PCTP: variants seen among roughly 807,000 people sequenced by gnomAD.
PCTP encodes phosphatidylcholine transfer protein, also known as START domain-containing protein 2.
A neutral mutation model predicts 31.0 loss-of-function variants in PCTP; 27 were observed. That is an observed-to-expected ratio of 0.87 (90% CI 0.64 to 1.20). The LOEUF (loss-of-function observed/expected upper bound fraction) is 1.20. Among genes scored for constraint, PCTP ranks in the 50% most tolerant of loss-of-function variants. The pLI, the probability that PCTP is intolerant of heterozygous loss-of-function variation, is 0.00. For synonymous variants in PCTP, 108 were observed against 101.2 expected (o/e 1.07, Z -0.40); for missense variants, 287 against 268.2 (o/e 1.07, Z -0.49).
chr17:55,809,718 TCACC>T lies in PCTP; in HGVS notation c.318-13042_318-13039del, dbSNP rs547122603. 1.7e-3 allele frequency among the ~76,000 whole-genome samples: 262 copies of T among 152,236 alleles called. 1 individual carries two copies. The highest frequency in any genetic ancestry group is 6.2e-3 in the African/African-American group (257 of 41,558). On this transcript the variant is annotated intron_variant, in intron 3 of 3. Transcript: ENST00000572536. ...TTGTATTTTTAGTAGAGATGGGGTT[TCACC>T]ATGTTGGCCCAGATGGTCTTGATCT...
At chr17:55,814,596 T>A (rs1433484404) in intron 3 of PCTP, among the ~76,000 whole-genome samples, 3 of 152,224 alleles carry the variant, frequency 2.0e-5, no homozygotes, top group Admixed American at 6.5e-5. Context: ...GCTGGTAGCA[T>A]CATTGCGTTT....
At chr17:55,788,998 C>T (rs1224133175) in intron 3 of PCTP, among the ~76,000 whole-genome samples, 1 of 152,122 alleles carries the variant, frequency 6.6e-6, no homozygotes, top group African/African-American at 2.4e-5. Context: ...TTGAGCCTGG[C>T]ACCTACTGGC....
intron 3 of PCTP, among the ~76,000 whole-genome samples, chr17:55,802,122 T>C (rs150793432): frequency 0.027 from 4,085 of 152,204 alleles, 184 homozygotes; most frequent in African/African-American, 0.094. Context: ...CTAGAAGAAA[T>C]GGATGAATTC....
intron 1 of PCTP, among the ~76,000 whole-genome samples, chr17:55,753,811 G>C (rs1420263114): frequency 6.6e-6 from 1 of 152,128 alleles, no homozygotes; most frequent in African/African-American, 2.4e-5. Context: ...CAAAGCACAC[G>C]GCTAAGAAGT....
At chr17:55,827,757 C>T (rs919489263), downstream of PCTP, among the ~76,000 whole-genome samples, 1 of 152,196 alleles carries the variant, frequency 6.6e-6, no homozygotes, top group African/African-American at 2.4e-5. Flanking sequence ...GAAAAGATTA[C>T]AGGTGTTTTC....
At chr17:55,819,622 G>C (rs1011908716) in intron 3 of PCTP, among the ~76,000 whole-genome samples, 1 of 152,106 alleles carries the variant, frequency 6.6e-6, no homozygotes, top group African/African-American at 2.4e-5. Context: ...AACCATGGTA[G>C]TGTGCATCTG....
chr17:55,792,530 C>T (rs965095491), intron 3 of PCTP, among the ~76,000 whole-genome samples: 2 of 151,846 alleles, frequency 1.3e-5, no homozygotes, highest in East Asian at 1.9e-4. Flanking sequence ...AAGAACTGTG[C>T]GGCCAGAAAA....
intron 1 of PCTP, 104 bp from the exon 2 acceptor site, chr17:55,767,231 T>C: frequency 1.8e-6 from 1 of 564,912 alleles, no homozygotes; most frequent in Non-Finnish European, 3.0e-6. Context: ...ACTCTGATGG[T>C]AGTTTCTTTT....
intron 5 of PCTP, among the ~76,000 whole-genome samples, chr17:55,829,720 A>ACACACC (rs1555571498): frequency 4.9e-4 from 73 of 147,560 alleles, no homozygotes; most frequent in African/African-American, 1.8e-3. Context: ...ACACACACAC[A>ACACACC]CCCTCTACAA....
At chr17:55,755,005 A>G (rs998689426) in intron 1 of PCTP, among the ~76,000 whole-genome samples, 1 of 152,134 alleles carries the variant, frequency 6.6e-6, no homozygotes, top group African/African-American at 2.4e-5. Flanking sequence ...TACATTTTGT[A>G]TATATAGCTC....
At chr17:55,826,491 C>T (rs1443700445), downstream of PCTP, among the ~76,000 whole-genome samples, 1 of 151,166 alleles carries the variant, frequency 6.6e-6, no homozygotes, top group East Asian at 1.9e-4. Context: ...AGAAGGTGAT[C>T]TGATCTAAGC....
intron 3 of PCTP, among the ~76,000 whole-genome samples, chr17:55,790,245 A>G (rs1445309493): frequency 6.6e-6 from 1 of 152,134 alleles, no homozygotes; most frequent in African/African-American, 2.4e-5. Flanking sequence ...AACTGGCACA[A>G]GACAGGAATG....
chr17:55,794,115 C>G (rs1451464151), intron 3 of PCTP, among the ~76,000 whole-genome samples: 1 of 151,986 alleles, frequency 6.6e-6, no homozygotes, highest in African/African-American at 2.4e-5. Flanking sequence ...AGAACAAAAC[C>G]AACCTCCTTT....
intron 2 of PCTP, among the ~76,000 whole-genome samples, chr17:55,787,257 T>A (rs1224998275): frequency 6.6e-6 from 1 of 151,700 alleles, no homozygotes; most frequent in Non-Finnish European, 1.5e-5. Context: ...AAAACTCTTA[T>A]GTTCCAATCC....
chr17:55,755,226 A>G (rs910162578), intron 1 of PCTP, among the ~76,000 whole-genome samples: 1 of 152,088 alleles, frequency 6.6e-6, no homozygotes, highest in Non-Finnish European at 1.5e-5. Flanking sequence ...CCGATTGTGC[A>G]TAGCATGCTT....
In PCTP at chr17:55,751,224, A is replaced by T. The variant is rs1432596337; in HGVS notation, c.121A>T (p.Ile41Phe). 1 of 1,543,658 alleles carries T rather than the reference A, an allele frequency of 6.5e-7. No individual in the cohort carries two copies. Among genetic ancestry groups the T allele is most frequent in the South Asian group, 1.2e-5 (1 of 83,256 alleles). ...CCTAGTGGAGACCTCGGGCATCAGC[A>T]TCTACCGGCTGCTGGACAAGGTAGC... ...QLLVETSGIS[I>F]YRLLDKKTGL... Residue 41 changes from isoleucine (I) to phenylalanine (F), a missense_variant, in exon 1 of 6, where the codon ATC becomes TTC. Ile to Phe is a conservative substitution (Grantham distance 21). Coordinates refer to ENST00000268896, the MANE Select transcript of PCTP (RefSeq NM_021213.4).
downstream of PCTP, among the ~76,000 whole-genome samples, chr17:55,782,072 G>A (rs1206033688): frequency 6.6e-6 from 1 of 152,190 alleles, no homozygotes; most frequent in East Asian, 1.9e-4. Flanking sequence ...AAGCTGGAAA[G>A]TCAAATAAAT....
chr17:55,805,301 C>T (rs1346929587), intron 3 of PCTP, among the ~76,000 whole-genome samples: 2 of 151,794 alleles, frequency 1.3e-5, no homozygotes, highest in Non-Finnish European at 1.5e-5. Flanking sequence ...TCTAATATAC[C>T]CATTACCCAA....
Position 55,777,305 on chromosome 17 carries a change from C to G in PCTP, c.*1205C>G. On this transcript the variant is annotated 3_prime_UTR_variant, in exon 6 of 6. Coordinates refer to ENST00000268896, the MANE Select transcript of PCTP (RefSeq NM_021213.4). ...AATGGGATTTATTAATGTGGGATACCTCAGACTGTTTGTTTTCTTTCTGGG... is the reference window on the plus strand; with the variant it reads ...AATGGGATTTATTAATGTGGGATACGTCAGACTGTTTGTTTTCTTTCTGGG... 1 of 984,444 alleles carries G rather than the reference C, an allele frequency of 1.0e-6. No individual in the cohort carries two copies. Among genetic ancestry groups the G allele is most frequent in the Non-Finnish European group, 1.2e-6 (1 of 828,778 alleles). The allele number at this position is 984,444 out of a possible 1,614,324, so 61.0% of individuals were successfully genotyped here.
Sources: allele counts gnomAD v4.1 joint callset (sites outside exome capture counted in the v4.1 genomes callset), GRCh38; gene constraint gnomAD v4.1.1; transcripts MANE v1.5; gene names NCBI Gene and HGNC (gene_info 2026-07-23, HGNC 2026-07-21).